The following BCAR3 variants were observed in gnomAD, a reference collection of about 807,000 sequenced individuals.
BCAR3 encodes BCAR3 adaptor protein, NSP family member.
In BCAR3, 37 loss-of-function variants were observed where a neutral mutation model predicts 80.1. The observed-to-expected ratio is 0.46, with a 90% CI of 0.36 to 0.61. The LOEUF (loss-of-function observed/expected upper bound fraction) is 0.61. Among genes scored for constraint, BCAR3 ranks in the 20% least tolerant of loss-of-function variants. The pLI is 0.00. For synonymous variants in BCAR3, 389 were observed against 418.9 expected (o/e 0.93, Z 0.87); for missense variants, 978 against 1,068.2 (o/e 0.92, Z 1.18).
chr1:93,622,033 G>C (rs1305731321), intron 3 of BCAR3, among the ~76,000 whole-genome samples: 2 of 152,060 alleles, frequency 1.3e-5, no homozygotes, highest in Non-Finnish European at 2.9e-5. Flanking sequence ...CACCATGCCT[G>C]GCTAATTTTT....
At chr1:93,716,395 T>C (rs1650190723) in intron 2 of BCAR3, among the ~76,000 whole-genome samples, 1 of 152,174 alleles carries the variant, frequency 6.6e-6, no homozygotes, top group Admixed American at 6.5e-5. Context: ...TTGCCACTAA[T>C]ATTGTTTGTA....
intron 2 of BCAR3, among the ~76,000 whole-genome samples, chr1:93,786,640 C>A (rs1467549512): frequency 2.6e-5 from 4 of 152,254 alleles, no homozygotes; most frequent in Middle Eastern, 3.4e-3. Context: ...TCCTGGAAGG[C>A]CAAAGAAAGG....
At chr1:93,597,332 G>A (rs1447237405) in intron 3 of BCAR3, among the ~76,000 whole-genome samples, 10 of 152,158 alleles carry the variant, frequency 6.6e-5, no homozygotes, top group African/African-American at 2.4e-4. Context: ...CCAAATTGCA[G>A]GATAGTTAGA....
At chr1:93,609,175 C>T (rs192111621) in intron 3 of BCAR3, among the ~76,000 whole-genome samples, 47 of 152,232 alleles carry the variant, frequency 3.1e-4, no homozygotes, top group African/African-American at 8.4e-4. Context: ...CAAGAGGCTC[C>T]AGATATTTTT....
chr1:93,776,163 T>C (rs368608532), intron 2 of BCAR3, among the ~76,000 whole-genome samples: 5 of 152,208 alleles, frequency 3.3e-5, no homozygotes, highest in African/African-American at 1.2e-4. Context: ...CAGCAGTATC[T>C]GGTAGGTTCT....
intron 2 of BCAR3, among the ~76,000 whole-genome samples, chr1:93,838,407 A>G (rs1012489648): frequency 3.3e-5 from 5 of 152,218 alleles, no homozygotes; most frequent in Non-Finnish European, 7.3e-5. Flanking sequence ...CAGTGAGAAC[A>G]CATGTACTAC....
At chr1:93,627,768 A>C (rs945435229) in intron 3 of BCAR3, among the ~76,000 whole-genome samples, 1 of 152,204 alleles carries the variant, frequency 6.6e-6, no homozygotes, top group Admixed American at 6.5e-5. Context: ...TAGAAGTCAC[A>C]TAACAAAAAC....
At chr1:93,625,175 C>A (rs1366923983) in intron 3 of BCAR3, among the ~76,000 whole-genome samples, 1 of 152,208 alleles carries the variant, frequency 6.6e-6, no homozygotes, top group Non-Finnish European at 1.5e-5. Context: ...TGCACCACTG[C>A]ACTCCAGCCT....
chr1:93,567,312 T>C lies in BCAR3; in HGVS notation c.2266A>G (p.Ser756Gly). 6.2e-7 allele frequency: 1 copy of C among 1,614,198 alleles called. No individual in the cohort carries two copies. The highest frequency in any genetic ancestry group is 2.2e-5 in the East Asian group (1 of 44,878). The stretch of plus-strand genomic sequence containing the variant: ...ATCCTCTCAGCATTCATCCGGTAGC[T>C]GTCTGCAGCCTCGGCCATGAATCGC... ...TARFMAEAAD[S>G]YRMNAERILA... The change falls in exon 11 of 12, where the codon AGC becomes GGC. Residue 756 changes from serine (S) to glycine (G), a missense_variant. Transcript: ENST00000260502.
At chr1:93,581,130 C>G (rs1179482244) in intron 7 of BCAR3, among the ~76,000 whole-genome samples, 1 of 151,598 alleles carries the variant, frequency 6.6e-6, no homozygotes, top group Non-Finnish European at 1.5e-5. Flanking sequence ...CCTCTGCATT[C>G]CAGCCTGGGT....
intron 2 of BCAR3, among the ~76,000 whole-genome samples, chr1:93,728,897 G>GA (rs956251160): frequency 1.3e-4 from 20 of 149,094 alleles, no homozygotes; most frequent in South Asian, 2.1e-4. Context: ...ATTTGGGCAG[G>GA]AAAAAAAAAA....
chr1:93,810,267 CTTTATAG>C lies in BCAR3; in HGVS notation c.-63+35293_-63+35299del, dbSNP rs777591383. Among the ~76,000 whole-genome samples the C allele has an allele frequency of 7.3e-4, 111 of 151,202 alleles. 1 individual carries two copies. The highest frequency in any genetic ancestry group is 2.2e-3 in the Admixed American group (33 of 15,160). On this transcript the variant is annotated intron_variant, in intron 2 of 13. Coordinates refer to the BCAR3 transcript ENST00000370244. ...GGTTAACAGATTATTTCACTTTCTT[CTTTATAG>C]TTTATAAATATACGCATCTTCCATA...
At chr1:93,770,561 G>A (rs1329476814) in intron 2 of BCAR3, among the ~76,000 whole-genome samples, 5 of 152,144 alleles carry the variant, frequency 3.3e-5, no homozygotes, top group African/African-American at 1.2e-4. Flanking sequence ...GGCATTGAGG[G>A]AGGAGTTTAT....
chr1:93,719,334 GTTTTTTTT>G (rs1217381018), intron 2 of BCAR3, among the ~76,000 whole-genome samples: 3 of 73,206 alleles, frequency 4.1e-5, no homozygotes, highest in Admixed American at 2.2e-4. Context: ...AAACTTTCTT[GTTTTTTTT>G]TTTTTTTTTT....
Position 93,586,852 on chromosome 1 carries a change from C to A in BCAR3, c.929+2125G>T, listed in dbSNP as rs1221241004. 1.3e-5 allele frequency among the ~76,000 whole-genome samples: 2 copies of A among 152,200 alleles called. No individual in the cohort carries two copies. The highest frequency in any genetic ancestry group is 2.9e-5 in the Non-Finnish European group (2 of 68,032). Reference sequence around the variant, plus strand: ...GTTTGCCACTGCAGTGGCATGATCTCGGCTCACTGCCTCCTGGGTTCAAGC... The same window carrying A: ...GTTTGCCACTGCAGTGGCATGATCTAGGCTCACTGCCTCCTGGGTTCAAGC... On this transcript the variant is annotated intron_variant, in intron 5 of 11. Coordinates refer to ENST00000260502, the MANE Select transcript of BCAR3 (RefSeq NM_003567.4). The surrounding 1 kb of genome is among the most constrained non-coding windows in gnomAD (Gnocchi z 4.2).
chr1:93,653,655 C>G (rs1647224075), intron 2 of BCAR3, among the ~76,000 whole-genome samples: 1 of 152,168 alleles, frequency 6.6e-6, no homozygotes, highest in East Asian at 1.9e-4. Flanking sequence ...CGGAAGACAG[C>G]TTAACAGACC....
At chr1:93,666,125 T>C (rs1333536684) in intron 2 of BCAR3, among the ~76,000 whole-genome samples, 1 of 152,194 alleles carries the variant, frequency 6.6e-6, no homozygotes, top group Non-Finnish European at 1.5e-5. Context: ...TTCTAAAAAC[T>C]GATCGTGCCA....
intron 5 of BCAR3, among the ~76,000 whole-genome samples, 191 bp downstream of exon 5, chr1:93,588,786 G>A (rs1236477602): frequency 3.3e-5 from 5 of 151,400 alleles, no homozygotes; most frequent in African/African-American, 4.9e-5. Flanking sequence ...CTCAGCTCCT[G>A]TACCATTCAT....
intron 3 of BCAR3, among the ~76,000 whole-genome samples, chr1:93,637,164 G>T (rs934860324): frequency 6.6e-6 from 1 of 151,616 alleles, no homozygotes; most frequent in Non-Finnish European, 1.5e-5. Flanking sequence ...AGGGGAAGGA[G>T]AAAATGTAAA....
Sources: allele counts gnomAD v4.1 joint callset (sites outside exome capture counted in the v4.1 genomes callset), GRCh38; gene constraint gnomAD v4.1.1; non-coding constraint Gnocchi (gnomAD v3.1); transcripts MANE v1.5; gene names NCBI Gene and HGNC (gene_info 2026-07-23, HGNC 2026-07-21).